Variants in BICD1 observed in about 807,000 individuals in gnomAD.
The protein encoded by BICD1 is protein bicaudal D homolog 1.
In BICD1, 35 loss-of-function variants were observed where a neutral mutation model predicts 92.5. That is an observed-to-expected ratio of 0.38 (90% CI 0.29 to 0.50). BICD1 has a LOEUF of 0.50. BICD1 is among the 20% of genes least tolerant of loss of function. The probability of loss-of-function intolerance (pLI) is 0.93; values close to 1 mark genes in which losing one functional copy is unlikely to be tolerated. For synonymous variants in BICD1, 429 were observed against 465.1 expected, an observed-to-expected ratio of 0.92 and a Z score of 1.00; for missense variants, 950 against 1,189.8, an observed-to-expected ratio of 0.80 and a Z score of 2.97.
chr12:32,184,520 C>T (rs528628881), intron 1 of BICD1, among the ~76,000 whole-genome samples: 40 of 152,164 alleles, frequency 2.6e-4, no homozygotes, highest in South Asian at 1.5e-3. Context: ...CTCCTGACCT[C>T]GTGATCCACC....
In BICD1 at chr12:32,375,985, G is replaced by A. The variant is rs140919155; in HGVS notation, c.2841-1555G>A. 1.4e-3 allele frequency among the ~76,000 whole-genome samples: 212 copies of A among 151,992 alleles called. 2 individuals carry two copies. The highest frequency in any genetic ancestry group is 4.8e-3 in the African/African-American group (201 of 41,478). Reference sequence around the variant, plus strand: ...TGGTAGAAATGAATTATATAGTACTGACTTTCATAGTTTAAGGGAATATAA... The same window carrying A: ...TGGTAGAAATGAATTATATAGTACTAACTTTCATAGTTTAAGGGAATATAA... On this transcript the variant is annotated intron_variant, in intron 9 of 9. Coordinates refer to ENST00000652176, the MANE Select transcript of BICD1 (RefSeq NM_001714.4).
intron 1 of BICD1, among the ~76,000 whole-genome samples, chr12:32,189,751 T>C (rs11051839): frequency 0.028 from 4,207 of 149,826 alleles, 201 homozygotes; most frequent in African/African-American, 0.099. Flanking sequence ...CAGGCTGGAG[T>C]GCAGTGGTGC....
intron 1 of BICD1, among the ~76,000 whole-genome samples, chr12:32,120,891 GAGAGAAAA>G (rs1302145765): frequency 1.7e-5 from 1 of 58,424 alleles, no homozygotes; most frequent in African/African-American, 4.1e-5. Context: ...GAGAGAGAGA[GAGAGAAAA>G]AAAAAAGGAA....
At chr12:32,157,284 G>C (rs1943467410) in intron 1 of BICD1, among the ~76,000 whole-genome samples, 1 of 152,086 alleles carries the variant, frequency 6.6e-6, no homozygotes, top group Admixed American at 6.6e-5. Flanking sequence ...ATTTTTTAAT[G>C]CATGTCTTTT....
Position 32,379,312 on chromosome 12 carries a change from T to G in BICD1, c.*1685T>G, listed in dbSNP as rs1029541215. ...CAGGAGCTTTCGTTAGTCATACGCC[T>G]ATTAAGTAGTGGTCGCTATTACCAA... On this transcript the variant is annotated 3_prime_UTR_variant, in exon 10 of 10. Transcript: ENST00000652176. 6.6e-6 allele frequency: 1 copy of G among 152,220 alleles called. No individual in the cohort carries two copies. The highest frequency in any genetic ancestry group is 1.5e-5 in the Non-Finnish European group (1 of 68,052). The allele number at this position is 152,220 out of a possible 1,614,324, so 9.4% of individuals were successfully genotyped here. A position where few individuals can be genotyped will look rare whatever the true frequency, so the allele number is the denominator to read the frequency against.
intron 2 of BICD1, among the ~76,000 whole-genome samples, chr12:32,286,860 G>T (rs1947582762): frequency 6.6e-6 from 1 of 152,128 alleles, no homozygotes; most frequent in Non-Finnish European, 1.5e-5. Flanking sequence ...AGATGCAAAA[G>T]GAAATGTAAT....
chr12:32,238,067 C>T (rs569157973), intron 2 of BICD1, among the ~76,000 whole-genome samples: 51 of 152,236 alleles, frequency 3.4e-4, no homozygotes, highest in Admixed American at 9.2e-4. Flanking sequence ...ACAGGAGTTT[C>T]GAAGAAGTTG....
At chr12:32,366,393 G>A (rs1292004759) in intron 8 of BICD1, among the ~76,000 whole-genome samples, 1 of 152,234 alleles carries the variant, frequency 6.6e-6, no homozygotes, top group Non-Finnish European at 1.5e-5. Context: ...GCCGAGGCAG[G>A]TGGATCACCT....
intron 2 of BICD1, among the ~76,000 whole-genome samples, chr12:32,218,733 GA>G (rs1226299414): frequency 6.6e-6 from 1 of 151,734 alleles, no homozygotes; most frequent in Non-Finnish European, 1.5e-5. Flanking sequence ...GTAACTAAAA[GA>G]AAAAAAAGAT....
At chr12:32,216,513 T>A in intron 2 of BICD1, 54 bp downstream of exon 2, 1 of 1,559,774 alleles carries the variant, frequency 6.4e-7, no homozygotes, top group Non-Finnish European at 8.7e-7. Context: ...ATAAGAAAGT[T>A]CTCTCCATAG....
At chr12:32,130,109 A>T (rs1055224189) in intron 1 of BICD1, among the ~76,000 whole-genome samples, 1 of 152,220 alleles carries the variant, frequency 6.6e-6, no homozygotes, top group Non-Finnish European at 1.5e-5. Flanking sequence ...ATGGGAAGAG[A>T]TGTTCAATCT....
chr12:32,117,397 GC>G (rs907240708), intron 1 of BICD1, among the ~76,000 whole-genome samples: 8 of 152,012 alleles, frequency 5.3e-5, no homozygotes, highest in Non-Finnish European at 1.0e-4. Flanking sequence ...TTAATGTTTG[GC>G]ATTTCACACT....
intron 3 of BICD1, among the ~76,000 whole-genome samples, chr12:32,296,253 T>TG (rs1418224428): frequency 2.8e-4 from 13 of 46,260 alleles, no homozygotes; most frequent in African/African-American, 6.9e-4. Context: ...GGGGTTTTTT[T>TG]TTGTTTTTTT....
chr12:32,186,494 A>G (rs1213881059), intron 1 of BICD1, among the ~76,000 whole-genome samples: 1 of 152,180 alleles, frequency 6.6e-6, no homozygotes, highest in Non-Finnish European at 1.5e-5. Context: ...TAAACATAAA[A>G]CCAACATGTC....
At chr12:32,217,807 C>T (rs1224815349) in intron 2 of BICD1, among the ~76,000 whole-genome samples, 1 of 152,154 alleles carries the variant, frequency 6.6e-6, no homozygotes, top group Non-Finnish European at 1.5e-5. Flanking sequence ...CAGAAGTGGA[C>T]AGAGGGTCAT....
chr12:32,376,665 C>T (rs1335600886), intron 9 of BICD1, among the ~76,000 whole-genome samples: 4 of 151,830 alleles, frequency 2.6e-5, no homozygotes, highest in African/African-American at 7.3e-5. Context: ...GTCAGGAGTT[C>T]GAGACCAGCC....
intron 2 of BICD1, among the ~76,000 whole-genome samples, chr12:32,245,967 T>C (rs1043046040): frequency 3.2e-5 from 4 of 125,468 alleles, no homozygotes; most frequent in Admixed American, 3.0e-4. Flanking sequence ...GAGGCAGAGG[T>C]TGCAGTGAGC....
chr12:32,160,749 G>C lies in BICD1; in HGVS notation c.213+53205G>C, dbSNP rs370203604. Among the ~76,000 whole-genome samples the C allele has an allele frequency of 4.6e-5, 7 of 152,258 alleles. No individual in the cohort carries two copies. In the South Asian group the frequency reaches 1.2e-3, roughly 27 times the overall value. ...GGTAGTAAGGTGGGTAGATATTCCTGTTTGTGACTGTTGAAACATTTTTTA... is the reference window on the plus strand; with the variant it reads ...GGTAGTAAGGTGGGTAGATATTCCTCTTTGTGACTGTTGAAACATTTTTTA... On this transcript the variant is annotated intron_variant, in intron 1 of 9. Coordinates refer to ENST00000652176, the MANE Select transcript of BICD1 (RefSeq NM_001714.4).
intron 3 of BICD1, among the ~76,000 whole-genome samples, chr12:32,301,126 C>T (rs1414517576): frequency 6.6e-6 from 1 of 152,164 alleles, no homozygotes; most frequent in Non-Finnish European, 1.5e-5. Flanking sequence ...TCCCAAGTCA[C>T]CTGCAAAGCA....
Sources: gnomAD v4.1 joint callset for allele counts (sites outside exome capture counted in the v4.1 genomes callset) on GRCh38, gnomAD v4.1.1 for gene constraint, MANE v1.5 for transcripts, NCBI Gene and HGNC (gene_info 2026-07-23, HGNC 2026-07-21) for gene names.